The following PSME4 variants were observed in gnomAD, a reference collection of about 807,000 sequenced individuals.
The protein encoded by PSME4 is proteasome activator complex subunit 4.
Under a neutral mutation model 253.9 loss-of-function variants are expected in PSME4, and 89 were observed. The observed-to-expected ratio is 0.35, with a 90% confidence interval of 0.30 to 0.42. The LOEUF is 0.42. PSME4 is among the 10% of genes least tolerant of loss of function. PSME4 has a pLI of 1.00. For missense variants in PSME4, 2,014 were observed against 2,195.2 expected, an observed-to-expected ratio of 0.92 and a Z score of 1.65; for synonymous variants, 851 against 759.2, an observed-to-expected ratio of 1.12 and a Z score of -1.99.
Position 53,895,582 on chromosome 2 carries a change from C to A in PSME4, c.3842+1G>T. 1 of 1,606,468 alleles carries A rather than the reference C, an allele frequency of 6.2e-7. No individual in the cohort carries two copies. Among genetic ancestry groups the A allele is most frequent in the Non-Finnish European group, 8.5e-7 (1 of 1,177,336 alleles). ...GATAAGGTGCACAGTAAGTTACTTA[C>A]TTTGGCCAGGTGTAGTATCCCCAGT... is the stretch of plus-strand genomic sequence containing the variant. On this transcript the variant is annotated splice_donor_variant, in intron 33 of 46. Transcript: ENST00000404125. LOFTEE classifies it high-confidence loss of function.
At position 53,908,414 on chromosome 2, in the gene PSME4, AT is replaced by A; in HGVS notation, c.2689del (p.Ile897LeufsTer24). On this transcript the variant is annotated frameshift_variant, in exon 24 of 47. Coordinates refer to ENST00000404125, the MANE Select transcript of PSME4 (RefSeq NM_014614.3). LOFTEE classifies it high-confidence loss of function. The stretch of plus-strand genomic sequence containing the variant: ...TCCTTGGAATTGTAAAAGGTCTCCA[AT>A]AATCTGTGTCAAAGAATTTCAAATT... The part of the protein sequence containing the change: ...TKSLFLIIKI[I>X]GDLLQFQGSH... The A allele has an allele frequency of 6.2e-7, 1 of 1,613,130 alleles. No individual in the cohort carries two copies. The highest frequency in any genetic ancestry group is 8.5e-7 in the Non-Finnish European group (1 of 1,179,498).
At chr2:53,959,051 C>T (rs1472289481) in intron 1 of PSME4, among the ~76,000 whole-genome samples, 1 of 152,080 alleles carries the variant, frequency 6.6e-6, no homozygotes, top group African/African-American at 2.4e-5. Flanking sequence ...CGTGGTGGCT[C>T]ACACCTTATA....
intron 38 of PSME4, chr2:53,888,437 A>C (rs1679740428): frequency 3.1e-6 from 1 of 320,318 alleles, no homozygotes; most frequent in African/African-American, 2.1e-5. Flanking sequence ...TGATGAAGAC[A>C]CAAAAGTACA....
At chr2:53,949,981 G>A (rs1669899668) in intron 1 of PSME4, among the ~76,000 whole-genome samples, 1 of 152,014 alleles carries the variant, frequency 6.6e-6, no homozygotes, top group African/African-American at 2.4e-5. Flanking sequence ...TACTTCAATT[G>A]AGACATAACC....
chr2:53,879,715 C>G (rs894344125), intron 41 of PSME4, among the ~76,000 whole-genome samples: 2 of 149,912 alleles, frequency 1.3e-5, no homozygotes, highest in Non-Finnish European at 3.0e-5. Context: ...ACAATGAATA[C>G]CCCTTGAGCC....
At chr2:53,868,881 T>C (rs981277711) in intron 44 of PSME4, among the ~76,000 whole-genome samples, 10 of 152,050 alleles carry the variant, frequency 6.6e-5, no homozygotes, top group Non-Finnish European at 1.3e-4. Flanking sequence ...TCAGATCTTA[T>C]TCTCGTGTTT....
intron 1 of PSME4, among the ~76,000 whole-genome samples, chr2:53,968,118 C>CA (rs1005165481): frequency 6.6e-6 from 1 of 151,498 alleles, no homozygotes; most frequent in Non-Finnish European, 1.5e-5. Flanking sequence ...ACTAAAAATA[C>CA]AAAAAAAGTA....
At chr2:53,867,686 A>C (rs1221816408) in intron 44 of PSME4, among the ~76,000 whole-genome samples, 1 of 151,064 alleles carries the variant, frequency 6.6e-6, no homozygotes, top group African/African-American at 2.4e-5. Flanking sequence ...AAAAAAAAAA[A>C]AAAAGGATTT....
chr2:53,893,098 C>A (rs575607909), intron 35 of PSME4, 138 bp from the exon 36 acceptor site: 3 of 617,404 alleles, frequency 4.9e-6, no homozygotes, highest in Middle Eastern at 4.6e-4. Flanking sequence ...TTAACAATTG[C>A]GGTAAGTTAA....
intron 20 of PSME4, chr2:53,917,238 GA>G (rs1188536875): frequency 2.9e-5 from 5 of 170,504 alleles, no homozygotes; most frequent in East Asian, 1.9e-4. Context: ...ACTTTTCTGG[GA>G]AAAGCAGATA....
intron 38 of PSME4, chr2:53,888,266 G>C: frequency 3.7e-6 from 1 of 270,970 alleles, no homozygotes; most frequent in Non-Finnish European, 6.8e-6. Context: ...CACAATTCAA[G>C]TTTTCTCATT....
chr2:53,910,232 T>C (rs892571228), intron 20 of PSME4, 102 bp from the exon 21 acceptor site: 7 of 928,208 alleles, frequency 7.5e-6, no homozygotes, highest in Non-Finnish European at 1.0e-5. Flanking sequence ...ACAAAGATAA[T>C]GTTCTTTTAA....
At chr2:53,885,155 C>A (rs1679579980) in intron 41 of PSME4, among the ~76,000 whole-genome samples, 2 of 152,186 alleles carry the variant, frequency 1.3e-5, no homozygotes, top group South Asian at 4.1e-4. Context: ...CTTAGTTCCA[C>A]TAGCTGCATC....
At chr2:53,966,062 G>T (rs1398936629) in intron 1 of PSME4, among the ~76,000 whole-genome samples, 2 of 151,992 alleles carry the variant, frequency 1.3e-5, no homozygotes, top group African/African-American at 4.8e-5. Flanking sequence ...ATCTTGGGCG[G>T]ATCATTTGGG....
At chr2:53,936,727 A>T in intron 6 of PSME4, 37 bp downstream of exon 6, 1 of 1,434,314 alleles carries the variant, frequency 7.0e-7, no homozygotes, top group Non-Finnish European at 9.4e-7. Context: ...GAAAAAAAAA[A>T]CTATAGGGGG....
At chr2:53,914,261 G>A (rs1573276031) in intron 20 of PSME4, among the ~76,000 whole-genome samples, 1 of 152,098 alleles carries the variant, frequency 6.6e-6, no homozygotes, top group Non-Finnish European at 1.5e-5. Flanking sequence ...ACTGCAAAAG[G>A]AAAAATTAAT....
At chr2:53,897,720 T>C in intron 31 of PSME4, 150 bp downstream of exon 31, 1 of 881,668 alleles carries the variant, frequency 1.1e-6, no homozygotes, top group Non-Finnish European at 1.7e-6. Flanking sequence ...GATGAATCAT[T>C]ATCATCTCTG....
rs778594609 is a variant in PSME4 at position 53,920,290 on chromosome 2, C to T, written c.2323G>A (p.Glu775Lys). Residue 775 changes from glutamate to lysine, a missense_variant, in exon 19 of 47, where the codon GAA becomes AAA. Coordinates refer to ENST00000404125, the MANE Select transcript of PSME4 (RefSeq NM_014614.3). ...AGATAAAAGGCAAAAGACACTTCTT[C>T]TGAAGAAGGAACATGCCACTGGATT... is the stretch of plus-strand genomic sequence containing the variant. ...LGIQWHVPSS[E>K]EVSFAFYLLD... The T allele has an allele frequency of 2.5e-6, 4 of 1,613,862 alleles. No individual in the cohort carries two copies. The South Asian group carries it at 4.4e-5, about 18-fold the overall frequency.
chr2:53,947,220 T>G (rs1187088149), intron 3 of PSME4, among the ~76,000 whole-genome samples: 1 of 152,162 alleles, frequency 6.6e-6, no homozygotes, highest in Non-Finnish European at 1.5e-5. Context: ...AATTCTATGG[T>G]AAGGGACAAA....
Sources: allele counts gnomAD v4.1 joint callset (sites outside exome capture counted in the v4.1 genomes callset), GRCh38; gene constraint gnomAD v4.1.1; transcripts MANE v1.5; gene names NCBI Gene and HGNC (gene_info 2026-07-23, HGNC 2026-07-21).